PDZD2: variants seen among roughly 807,000 people sequenced by gnomAD.
PDZD2 encodes PDZ domain containing 2.
A neutral mutation model predicts 220.7 loss-of-function variants in PDZD2; 90 were observed. The observed-to-expected ratio is 0.41, with a 90% CI of 0.34 to 0.49. PDZD2 has a LOEUF of 0.49. Ranked by LOEUF, PDZD2 falls within the 20% of genes least tolerant of loss-of-function variation. PDZD2 has a pLI of 0.28. For missense variants in PDZD2, 3,174 were observed against 3,608.5 expected (o/e 0.88, Z 3.08); for synonymous variants, 1,375 against 1,450.5 (o/e 0.95, Z 1.18).
chr5:31,703,967 C>T (rs147749212), intron 1 of PDZD2, among the ~76,000 whole-genome samples: 6 of 91,774 alleles, frequency 6.5e-5, no homozygotes, highest in South Asian at 4.1e-4. Flanking sequence ...TTCTCTCTCT[C>T]TCTCTCTCTT....
At chr5:31,926,652 C>G (rs550438581) in intron 2 of PDZD2, among the ~76,000 whole-genome samples, 28 of 152,002 alleles carry the variant, frequency 1.8e-4, no homozygotes, top group Admixed American at 2.6e-4. Flanking sequence ...CTGTGGAAAG[C>G]TGTTTGGAGA....
rs144621852 is a variant in PDZD2 at position 32,085,826 on chromosome 5, T to G, written c.3683-1305T>G. 6.6e-4 allele frequency among the ~76,000 whole-genome samples: 101 copies of G among 152,016 alleles called. 1 individual carries two copies. In the East Asian group the frequency reaches 0.017, roughly 26 times the overall value. On this transcript the variant is annotated intron_variant, in intron 19 of 24. Transcript: ENST00000438447. ...AAACTGCCTTGGCTATTCAGAGTCC[T>G]TTGTGGTTCCATGCACATTTTACAA... is the stretch of plus-strand genomic sequence containing the variant.
chr5:31,764,447 C>T (rs1198843358), intron 1 of PDZD2, among the ~76,000 whole-genome samples: 3 of 152,140 alleles, frequency 2.0e-5, no homozygotes, highest in African/African-American at 7.2e-5. Context: ...GGAATATTTG[C>T]CTCTAAGAAG....
chr5:31,749,423 A>AT (rs34580721), intron 1 of PDZD2, among the ~76,000 whole-genome samples: 1,700 of 140,028 alleles, frequency 0.012, 17 homozygotes, highest in Non-Finnish European at 0.013. Context: ...TCACTGTGTG[A>AT]TTTTTTTTTT....
intron 1 of PDZD2, among the ~76,000 whole-genome samples, chr5:31,648,022 G>A (rs953686831): frequency 6.6e-6 from 1 of 152,260 alleles, no homozygotes; most frequent in East Asian, 1.9e-4. Context: ...GGAAATAGAT[G>A]GATGAAAAGA....
At chr5:31,804,051 A>G (rs1051275670) in intron 2 of PDZD2, among the ~76,000 whole-genome samples, 48 of 151,966 alleles carry the variant, frequency 3.2e-4, no homozygotes, top group Non-Finnish European at 6.9e-4. Flanking sequence ...TCCAAAAAAA[A>G]AAAAAAGATA....
intron 1 of PDZD2, among the ~76,000 whole-genome samples, chr5:31,650,009 G>T (rs1305811098): frequency 1.4e-5 from 2 of 147,666 alleles, no homozygotes; most frequent in South Asian, 2.2e-4. Context: ...CCTCAAAGTA[G>T]AGAAAAAGAA....
intron 2 of PDZD2, chr5:31,822,689 C>T (rs753857675): frequency 2.0e-5 from 26 of 1,308,552 alleles, no homozygotes; most frequent in Non-Finnish European, 2.3e-5. Flanking sequence ...AGCTCAATGT[C>T]ATTTCCTTCA....
At chr5:31,783,184 G>A (rs142453593) in intron 1 of PDZD2, among the ~76,000 whole-genome samples, 1 of 152,274 alleles carries the variant, frequency 6.6e-6, no homozygotes, top group African/African-American at 2.4e-5. Context: ...TGCCTGAGGA[G>A]TCATTCCTCA....
chr5:31,835,737 A>C (rs7702797), intron 2 of PDZD2, among the ~76,000 whole-genome samples: 3,093 of 152,250 alleles, frequency 0.02, 101 homozygotes, highest in African/African-American at 0.071. Flanking sequence ...TCTAGAGCTG[A>C]TGTTTAACTT....
intron 1 of PDZD2, among the ~76,000 whole-genome samples, chr5:31,732,070 C>G (rs562187029): frequency 6.6e-6 from 1 of 152,326 alleles, no homozygotes; most frequent in East Asian, 1.9e-4. Context: ...CTGGAACAAA[C>G]CTTGTAGAGG....
chr5:31,787,231 C>T (rs1753432679), intron 1 of PDZD2, among the ~76,000 whole-genome samples: 1 of 152,228 alleles, frequency 6.6e-6, no homozygotes, highest in African/African-American at 2.4e-5. Flanking sequence ...AAGCATTGAA[C>T]TGCCATTGTA....
intron 1 of PDZD2, among the ~76,000 whole-genome samples, chr5:31,708,780 T>G (rs1029058008): frequency 6.6e-6 from 1 of 152,194 alleles, no homozygotes; most frequent in African/African-American, 2.4e-5. Context: ...CAGAACTAAC[T>G]GTGTGCTTTT....
chr5:32,047,320 A>G (rs1738072070), intron 7 of PDZD2, among the ~76,000 whole-genome samples: 1 of 152,218 alleles, frequency 6.6e-6, no homozygotes, highest in Non-Finnish European at 1.5e-5. Context: ...GAGATTCTAG[A>G]ACTTCCCTGT....
intron 6 of PDZD2, chr5:32,010,695 C>T (rs1380464896): frequency 3.4e-6 from 2 of 596,600 alleles, no homozygotes; most frequent in South Asian, 1.5e-5. Context: ...AAATGGTAAA[C>T]AAGATAAGCA....
At chr5:31,970,657 A>C (rs1749217438) in intron 2 of PDZD2, among the ~76,000 whole-genome samples, 2 of 152,104 alleles carry the variant, frequency 1.3e-5, no homozygotes, top group Non-Finnish European at 2.9e-5. Context: ...CTCCACCTCA[A>C]AAATAAATAA....
At chr5:32,036,050 TCTC>T (rs112861585) in intron 6 of PDZD2, among the ~76,000 whole-genome samples, 2,359 of 150,952 alleles carry the variant, frequency 0.016, 65 homozygotes, top group African/African-American at 0.053. Flanking sequence ...TTCAATCAGT[TCTC>T]CTGCCTCAGC....
chr5:31,755,905 G>A (rs187656799), intron 1 of PDZD2, among the ~76,000 whole-genome samples: 35 of 152,192 alleles, frequency 2.3e-4, no homozygotes, highest in African/African-American at 7.9e-4. Flanking sequence ...AGAGTTAGAC[G>A]TGGCCTTGGC....
At chr5:31,755,552 C>T (rs1379322677) in intron 1 of PDZD2, among the ~76,000 whole-genome samples, 4 of 152,052 alleles carry the variant, frequency 2.6e-5, no homozygotes, top group Admixed American at 1.3e-4. Flanking sequence ...GCTCCAACTC[C>T]ACGCATCAGT....
Sources: allele counts gnomAD v4.1 joint callset (sites outside exome capture counted in the v4.1 genomes callset), GRCh38; gene constraint gnomAD v4.1.1; transcripts MANE v1.5; gene names NCBI Gene and HGNC (gene_info 2026-07-23, HGNC 2026-07-21).